Variants in SLC35F2 observed in about 807,000 individuals in gnomAD.
SLC35F2 encodes the protein queuine/queuosine transporter SLC35F2.
A neutral mutation model predicts 38.1 loss-of-function variants in SLC35F2; 25 were observed. The ratio of observed to expected loss-of-function variants is 0.66; its 90% CI spans 0.48 to 0.92. The LOEUF is 0.92. Among genes scored for constraint, SLC35F2 ranks in the 40% least tolerant of loss-of-function variants. The pLI is 0.00. For synonymous variants in SLC35F2, 173 were observed against 181.7 expected, an observed-to-expected ratio of 0.95 and a Z score of 0.38; for missense variants, 409 against 452.9, an observed-to-expected ratio of 0.90 and a Z score of 0.88.
chr11:107,819,359 G>A (rs776503745), intron 1 of SLC35F2, among the ~76,000 whole-genome samples: 9 of 152,168 alleles, frequency 5.9e-5, no homozygotes, highest in Non-Finnish European at 1.2e-4. Flanking sequence ...TCAAGAACTG[G>A]CCAAATCCAA....
chr11:107,816,207 A>G, intron 1 of SLC35F2: 1 of 985,294 alleles, frequency 1.0e-6, no homozygotes, highest in Non-Finnish European at 1.2e-6. Flanking sequence ...ATTTCACTGA[A>G]CATCCATTTA....
At chr11:107,811,534 G>T (rs766973847) in intron 3 of SLC35F2, 133 bp downstream of exon 3, 18 of 833,278 alleles carry the variant, frequency 2.2e-5, no homozygotes, top group Non-Finnish European at 3.1e-5. Flanking sequence ...TGCTCTACTA[G>T]AAAACAGCAT....
intron 1 of SLC35F2, among the ~76,000 whole-genome samples, chr11:107,822,472 T>C (rs550076517): frequency 3.9e-5 from 6 of 152,272 alleles, no homozygotes; most frequent in African/African-American, 1.4e-4. Context: ...ACAAGGAATT[T>C]AGAATTAAGA....
Position 107,854,268 on chromosome 11 carries a change from C to CG in SLC35F2, c.110+4389dup, listed in dbSNP as rs573018559. Among the ~76,000 whole-genome samples the CG allele has an allele frequency of 3.1e-3, 302 of 96,460 alleles. 2 individuals carry two copies. Among genetic ancestry groups the CG allele is most frequent in the African/African-American group, 0.011 (285 of 26,418 alleles). 63.3% of individuals were successfully genotyped at this position (96,460 alleles called of 152,430 possible). A position where few individuals can be genotyped will look rare whatever the true frequency, so the allele number is the denominator to read the frequency against. On this transcript the variant is annotated intron_variant, in intron 1 of 7. Coordinates refer to ENST00000525815, the MANE Select transcript of SLC35F2 (RefSeq NM_017515.5). ...GCAACATGGTGAAACCCTGTCTCTA[C>CG]GGAAAAAAAAAAAAAACTAGTAGTG...
At chr11:107,857,021 CAGGA>C (rs1173135112) in intron 1 of SLC35F2, among the ~76,000 whole-genome samples, 3 of 127,972 alleles carry the variant, frequency 2.3e-5, no homozygotes, top group Admixed American at 8.4e-5. Context: ...GTGACTTGTC[CAGGA>C]AGGAAGGAAG....
intron 1 of SLC35F2, among the ~76,000 whole-genome samples, chr11:107,855,786 G>A (rs1304593212): frequency 4.1e-5 from 6 of 147,306 alleles, no homozygotes; most frequent in East Asian, 2.0e-4. Context: ...AAACATACCC[G>A]GATTCCAAAA....
intron 1 of SLC35F2, among the ~76,000 whole-genome samples, chr11:107,826,886 A>G (rs1477877643): frequency 6.6e-6 from 1 of 152,156 alleles, no homozygotes; most frequent in Non-Finnish European, 1.5e-5. Context: ...TGGTGTTGAT[A>G]TTATTCTGGG....
chr11:107,849,878 G>A (rs1860150877), intron 1 of SLC35F2, among the ~76,000 whole-genome samples: 1 of 152,156 alleles, frequency 6.6e-6, no homozygotes. Context: ...GCATGCTGGA[G>A]AAAAGCTTTT....
At chr11:107,818,120 G>GAA (rs1782720761) in intron 1 of SLC35F2, among the ~76,000 whole-genome samples, 2 of 143,442 alleles carry the variant, frequency 1.4e-5, no homozygotes, top group Non-Finnish European at 3.1e-5. Flanking sequence ...AAGAAAGAAA[G>GAA]AAAGAAAGAA....
chr11:107,808,352 A>G (rs1859429302), intron 3 of SLC35F2, among the ~76,000 whole-genome samples: 1 of 152,184 alleles, frequency 6.6e-6, no homozygotes, highest in Non-Finnish European at 1.5e-5. Flanking sequence ...GCAAGATAAA[A>G]GATAAAAAAG....
chr11:107,821,525 A>T, intron 1 of SLC35F2: 1 of 985,388 alleles, frequency 1.0e-6, no homozygotes, highest in South Asian at 4.7e-5. Context: ...AAACTTATAG[A>T]CACTGAAGGC....
In SLC35F2 at chr11:107,840,292, A is replaced by T. The variant is rs549781749; in HGVS notation, c.110+18366T>A. Among the ~76,000 whole-genome samples the T allele has an allele frequency of 2.0e-5, 3 of 152,328 alleles. No individual in the cohort carries two copies. In the South Asian group the frequency reaches 6.2e-4, roughly 32 times the overall value. On this transcript the variant is annotated intron_variant, in intron 1 of 7. Coordinates refer to ENST00000525815, the MANE Select transcript of SLC35F2 (RefSeq NM_017515.5). Reference sequence around the variant, plus strand: ...CTGCCATTTCACAAGTCTGGATTGCAAGAGAGTACATCCCTGAGACAGGCA... The same window carrying T: ...CTGCCATTTCACAAGTCTGGATTGCTAGAGAGTACATCCCTGAGACAGGCA...
At chr11:107,844,051 A>C (rs1274609251) in intron 1 of SLC35F2, among the ~76,000 whole-genome samples, 1 of 151,558 alleles carries the variant, frequency 6.6e-6, no homozygotes, top group Non-Finnish European at 1.5e-5. Flanking sequence ...GACTTTATAT[A>C]CTCTTTGCCA....
At chr11:107,822,161 T>G (rs1046822802) in intron 1 of SLC35F2, among the ~76,000 whole-genome samples, 1 of 152,090 alleles carries the variant, frequency 6.6e-6, no homozygotes, top group Non-Finnish European at 1.5e-5. Flanking sequence ...GAGAATCACT[T>G]GAACCCAGGA....
In SLC35F2 at chr11:107,803,015, G is replaced by C. The variant is rs1258317704; in HGVS notation, c.925C>G (p.Leu309Val). 2 of 1,611,248 alleles carry C rather than the reference G, an allele frequency of 1.2e-6. No homozygotes were observed. Among genetic ancestry groups the C allele is most frequent in the East Asian group, 2.2e-5 (1 of 44,792 alleles). Residue 309 changes from leucine to valine, a missense_variant, in exon 7 of 8, where the codon CTG (leucine) becomes GTG (valine). Coordinates refer to ENST00000525815, the MANE Select transcript of SLC35F2 (RefSeq NM_017515.5). ...DLYSLFVGLF[L>V]FGYKFSGLYI... ...TATTTGTTTACCTTATAGCCAAACAGAAAGAGTCCAACAAAAAGGCTGTAG... is the reference window on the plus strand; with the variant it reads ...TATTTGTTTACCTTATAGCCAAACACAAAGAGTCCAACAAAAAGGCTGTAG...
At chr11:107,843,859 A>T (rs1480284852) in intron 1 of SLC35F2, among the ~76,000 whole-genome samples, 12 of 38,796 alleles carry the variant, frequency 3.1e-4, no homozygotes, top group Non-Finnish European at 6.0e-4. Flanking sequence ...AAAAAAAAAA[A>T]AAAAAAAAAA....
chr11:107,804,727 A>G lies in SLC35F2; in HGVS notation c.775T>C (p.Trp259Arg). ...YKDIASIHWD[W>R]KIALLFVAFA... ...TTATTTCTTTACATACCAATTTTCC[A>G]GTCCCAATGAATGCTGGCAATATCC... Residue 259 changes from tryptophan (W) to arginine (R), a missense_variant, in exon 6 of 8, where the codon TGG (tryptophan) becomes CGG (arginine). Physicochemically the swap from Trp to Arg is moderately radical, Grantham distance 101. Coordinates refer to ENST00000525815, the MANE Select transcript of SLC35F2 (RefSeq NM_017515.5). 6.2e-7 allele frequency: 1 copy of G among 1,606,324 alleles called. No homozygotes were observed. The highest frequency in any genetic ancestry group is 1.1e-5 in the South Asian group (1 of 89,182).
Position 107,803,089 on chromosome 11 carries a change from T to A in SLC35F2, c.851A>T (p.Lys284Ile). 1 of 1,614,004 alleles carries A rather than the reference T, an allele frequency of 6.2e-7. No homozygotes were observed. The highest frequency in any genetic ancestry group is 1.1e-5 in the South Asian group (1 of 91,078). ...CLYSFMPLVI[K>I]VTSATSVNLG... is the part of the protein sequence containing the mutation. ...GTTGACGGAAGTGGCACTAGTGACTTTAATCACCAATGGCATGAAGCTGTA... is the reference window on the plus strand; with the variant it reads ...GTTGACGGAAGTGGCACTAGTGACTATAATCACCAATGGCATGAAGCTGTA... The change falls in exon 7 of 8, where the codon AAA becomes ATA. Residue 284 changes from lysine (K) to isoleucine (I), a missense_variant. By Grantham distance (102) the Lys-to-Ile change is moderately radical (BLOSUM62 -3). Transcript: ENST00000525815.
intron 7 of SLC35F2, among the ~76,000 whole-genome samples, chr11:107,802,242 A>AAAAAAAAATAAATAAATAAATAAAT (rs559048077): frequency 2.0e-5 from 3 of 147,892 alleles, no homozygotes; most frequent in African/African-American, 7.7e-5. Flanking sequence ...CATCTCAAAA[A>AAAAAAAAATAAATAAATAAATAAAT]AAATAAATAA....
Sources: gnomAD v4.1 joint callset for allele counts (sites outside exome capture counted in the v4.1 genomes callset) on GRCh38, gnomAD v4.1.1 for gene constraint, MANE v1.5 for transcripts, NCBI Gene and HGNC (gene_info 2026-07-23, HGNC 2026-07-21) for gene names.